Variants in FAAH observed in about 807,000 individuals in gnomAD.
FAAH encodes fatty-acid amide hydrolase 1.
Under a neutral mutation model 69.7 loss-of-function variants are expected in FAAH, and 63 were observed. That is an observed-to-expected ratio of 0.90 (90% CI 0.74 to 1.12). FAAH has a LOEUF of 1.12. Among genes scored for constraint, FAAH ranks in the 50% most tolerant of loss-of-function variants. The pLI is 0.00. For missense variants in FAAH, 680 were observed against 755.0 expected, an observed-to-expected ratio of 0.90 and a Z score of 1.16; for synonymous variants, 305 against 324.2, an observed-to-expected ratio of 0.94 and a Z score of 0.64.
At chr1:46,403,628 C>A (rs1664742551) in intron 2 of FAAH, among the ~76,000 whole-genome samples, 3 of 152,242 alleles carry the variant, frequency 2.0e-5, no homozygotes, top group Non-Finnish European at 4.4e-5. Flanking sequence ...GGTGGGGCTC[C>A]TTTACCTGGA....
chr1:46,395,954 T>C (rs1664590016), intron 1 of FAAH, among the ~76,000 whole-genome samples: 1 of 151,734 alleles, frequency 6.6e-6, no homozygotes, highest in Non-Finnish European at 1.5e-5. Context: ...AGACAAAGTA[T>C]AGAGAAAGAA....
At position 46,410,235 on chromosome 1, in the gene FAAH, G is replaced by C; in HGVS notation, c.1176-163G>C. The stretch of plus-strand genomic sequence containing the variant: ...GGGTTGCAGCCCAGGCATCCCAAAG[G>C]ATCAGCAGAAACAAACGGCATGTTT... On this transcript the variant is annotated intron_variant, in intron 9 of 14. Transcript: ENST00000243167. This position sits in a 1 kb window ranked among gnomAD's most constrained non-coding sequence, Gnocchi z 4.9. 1 of 720,220 alleles carries C rather than the reference G, an allele frequency of 1.4e-6. No individual in the cohort carries two copies. The highest frequency in any genetic ancestry group is 1.9e-5 in the Admixed American group (1 of 52,824). 44.6% of individuals were successfully genotyped at this position (720,220 alleles called of 1,614,324 possible).
At chr1:46,409,302 A>C in intron 9 of FAAH, 104 bp downstream of exon 9, 2 of 898,496 alleles carry the variant, frequency 2.2e-6, no homozygotes, top group Non-Finnish European at 3.7e-6. Context: ...AGCTGAATCC[A>C]ACAAAGGCCT....
chr1:46,405,692 G>A lies in FAAH; in HGVS notation c.683G>A (p.Gly228Glu), dbSNP rs770455647. Residue 228 changes from glycine (G) to glutamate (E), a missense_variant, in exon 5 of 15, where the codon GGA becomes GAA. Physicochemically the swap from Gly to Glu is moderately conservative, Grantham distance 98. Transcript: ENST00000243167. This position sits in a 1 kb window ranked among gnomAD's most constrained non-coding sequence, Gnocchi z 4.1. Reference protein sequence around the residue: ...SGGEGALIGSGGSPLGLGTDI... With the variant: ...SGGEGALIGSEGSPLGLGTDI... ...GGTGAAGGGGCCCTCATCGGGTCTG[G>A]AGGCTCCCCCCTGGGCTTAGGCACT... The A allele has an allele frequency of 1.2e-6, 2 of 1,613,578 alleles. No homozygotes were observed. Among genetic ancestry groups the A allele is most frequent in the Non-Finnish European group, 1.7e-6 (2 of 1,180,044 alleles).
chr1:46,398,308 C>T (rs1207962267), intron 1 of FAAH, among the ~76,000 whole-genome samples: 1 of 152,142 alleles, frequency 6.6e-6, no homozygotes, highest in Non-Finnish European at 1.5e-5. Context: ...CTCCCTTCTG[C>T]CTACAACTCC....
At position 46,405,693 on chromosome 1, in the gene FAAH, A is replaced by G; in HGVS notation, c.684A>G (p.Gly228=). 6.2e-7 allele frequency: 1 copy of G among 1,613,510 alleles called. No individual in the cohort carries two copies. Among genetic ancestry groups the G allele is most frequent in the Non-Finnish European group, 8.5e-7 (1 of 1,180,020 alleles). The part of the protein sequence containing the change: ...SGGEGALIGS[G]GSPLGLGTDI... Reference sequence around the variant, plus strand: ...GTGAAGGGGCCCTCATCGGGTCTGGAGGCTCCCCCCTGGGCTTAGGCACTG... The same window carrying G: ...GTGAAGGGGCCCTCATCGGGTCTGGGGGCTCCCCCCTGGGCTTAGGCACTG... The change falls in exon 5 of 15, where the codon GGA becomes GGG. Residue 228 remains glycine, a synonymous_variant. Coordinates refer to ENST00000243167, the MANE Select transcript of FAAH (RefSeq NM_001441.3). The surrounding 1 kb of genome is among the most constrained non-coding windows in gnomAD (Gnocchi z 4.1).
intron 12 of FAAH, 85 bp from the exon 13 acceptor site, chr1:46,412,058 C>G: frequency 8.3e-7 from 1 of 1,211,064 alleles, no homozygotes. Context: ...GGGGCCAGAG[C>G]CACCCCAGCC....
chr1:46,398,410 G>A (rs1664638012), intron 1 of FAAH, among the ~76,000 whole-genome samples: 1 of 152,186 alleles, frequency 6.6e-6, no homozygotes, highest in Non-Finnish European at 1.5e-5. Flanking sequence ...GGGGCTCTTA[G>A]CCCAGCCCTG....
chr1:46,397,460 C>A, intron 1 of FAAH, among the ~76,000 whole-genome samples: 1 of 152,084 alleles, frequency 6.6e-6, no homozygotes. Context: ...TTCAGGTTTC[C>A]AGTGATTGTG....
Position 46,410,316 on chromosome 1 carries a change from A to T in FAAH, c.1176-82A>T. 9.6e-7 allele frequency: 1 copy of T among 1,046,774 alleles called. No homozygotes were observed. Among genetic ancestry groups the T allele is most frequent in the Non-Finnish European group, 1.5e-6 (1 of 662,952 alleles). The allele number at this position is 1,046,774 out of a possible 1,614,324, so 64.8% of individuals were successfully genotyped here. On this transcript the variant is annotated intron_variant, in intron 9 of 14. Coordinates refer to ENST00000243167, the MANE Select transcript of FAAH (RefSeq NM_001441.3). This position sits in a 1 kb window ranked among gnomAD's most constrained non-coding sequence, Gnocchi z 4.9. ...AGGTGGACAGGATCCCTGCATAGAG[A>T]ATGGGATTGCTGTGGGCCGGGCGAG...
rs956834978 is a variant in FAAH at position 46,411,827 on chromosome 1, C to T, written c.1356+176C>T. ...GCCCAGCTCTCTGACCCTTACTTGC[C>T]TAGATGCCCATCCTTTGAGGCTGGG... is the stretch of plus-strand genomic sequence containing the variant. On this transcript the variant is annotated intron_variant, in intron 12 of 14. Transcript: ENST00000243167. This position sits in a 1 kb window ranked among gnomAD's most constrained non-coding sequence, Gnocchi z 4.8. Among the ~76,000 whole-genome samples, 1 of 152,232 alleles carries T rather than the reference C, an allele frequency of 6.6e-6. No individual in the cohort carries two copies. The highest frequency in any genetic ancestry group is 2.4e-5 in the African/African-American group (1 of 41,478).
chr1:46,408,452 C>T lies in FAAH; in HGVS notation c.952-7C>T, dbSNP rs1254180112. On this transcript the variant is annotated splice_polypyrimidine_tract_variant and splice_region_variant and intron_variant, in intron 7 of 14. Coordinates refer to ENST00000243167, the MANE Select transcript of FAAH (RefSeq NM_001441.3). ...ACCTGCCCCTGTCCCCTGTGTTTTC[C>T]CTCCAGGTCTACACCAGCTCTCAGC... 4.3e-6 allele frequency: 7 copies of T among 1,614,138 alleles called. No individual in the cohort carries two copies. The highest frequency in any genetic ancestry group is 1.7e-5 in the Admixed American group (1 of 60,030).
At chr1:46,406,944 C>T (rs1664810705) in intron 7 of FAAH, among the ~76,000 whole-genome samples, 1 of 152,086 alleles carries the variant, frequency 6.6e-6, no homozygotes, top group South Asian at 2.1e-4. Flanking sequence ...GCCTCAGCTG[C>T]TGGCACCAGG....
At position 46,394,419 on chromosome 1, in the gene FAAH, C is replaced by T. The variant is rs773316338; in HGVS notation, c.71C>T (p.Ala24Val). 3.4e-6 allele frequency: 5 copies of T among 1,476,114 alleles called. No individual in the cohort carries two copies. Among genetic ancestry groups the T allele is most frequent in the Non-Finnish European group, 4.5e-6 (5 of 1,116,982 alleles). 91.4% of individuals were successfully genotyped at this position (1,476,114 alleles called of 1,614,324 possible). Residue 24 changes from alanine (A) to valine (V), a missense_variant, in exon 1 of 15, where the codon GCG becomes GTG. Coordinates refer to ENST00000243167, the MANE Select transcript of FAAH (RefSeq NM_001441.3). ...SGVALACCFV[A>V]AAVALRWSGR... ...GTCGCCCTGGCCTGCTGCTTCGTGG[C>T]GGCGGCCGTGGCCCTGCGCTGGTCC...
At chr1:46,398,065 C>G (rs1471576221) in intron 1 of FAAH, among the ~76,000 whole-genome samples, 1 of 151,466 alleles carries the variant, frequency 6.6e-6, no homozygotes, top group Non-Finnish European at 1.5e-5. Context: ...TCCCTAGTAG[C>G]TGGGGTTACA....
At position 46,410,985 on chromosome 1, in the gene FAAH, C is replaced by A; in HGVS notation, c.1316+131C>A. Reference sequence around the variant, plus strand: ...GCTGGAAGTGGCCCAGGCAGGGGGGCAACCTTTGTGGCCTTCAGATGGGAC... The same window carrying A: ...GCTGGAAGTGGCCCAGGCAGGGGGGAAACCTTTGTGGCCTTCAGATGGGAC... On this transcript the variant is annotated intron_variant, in intron 11 of 14. Transcript: ENST00000243167. This position sits in a 1 kb window ranked among gnomAD's most constrained non-coding sequence, Gnocchi z 4.9. The A allele has an allele frequency of 8.9e-7, 1 of 1,119,572 alleles. No individual in the cohort carries two copies. The highest frequency in any genetic ancestry group is 1.3e-6 in the Non-Finnish European group (1 of 744,354). 69.4% of individuals were successfully genotyped at this position (1,119,572 alleles called of 1,614,324 possible).
In FAAH at chr1:46,411,004, A is replaced by T. The variant is rs1008336376; in HGVS notation, c.1316+150A>T. The T allele has an allele frequency of 2.2e-6, 2 of 895,280 alleles. No homozygotes were observed. The highest frequency in any genetic ancestry group is 3.7e-6 in the Non-Finnish European group (2 of 547,642). 55.5% of individuals were successfully genotyped at this position (895,280 alleles called of 1,614,324 possible). A position where few individuals can be genotyped will look rare whatever the true frequency, so the allele number is the denominator to read the frequency against. ...GGGGGGCAACCTTTGTGGCCTTCAG[A>T]TGGGACTTTGAAGTTGTCTTGGCAA... On this transcript the variant is annotated intron_variant, in intron 11 of 14. Coordinates refer to ENST00000243167, the MANE Select transcript of FAAH (RefSeq NM_001441.3). This position sits in a 1 kb window ranked among gnomAD's most constrained non-coding sequence, Gnocchi z 4.8.
At chr1:46,396,209 A>G (rs541997280) in intron 1 of FAAH, among the ~76,000 whole-genome samples, 11 of 152,276 alleles carry the variant, frequency 7.2e-5, no homozygotes, top group African/African-American at 2.6e-4. Flanking sequence ...GTTTGACTTT[A>G]TACAAGCATC....
At chr1:46,395,189 C>T (rs141529651) in intron 1 of FAAH, among the ~76,000 whole-genome samples, 8 of 152,350 alleles carry the variant, frequency 5.3e-5, no homozygotes, top group African/African-American at 1.9e-4. Flanking sequence ...GATACACCTG[C>T]CTCGGCCTCC....
Sources: allele counts gnomAD v4.1 joint callset (sites outside exome capture counted in the v4.1 genomes callset), GRCh38; gene constraint gnomAD v4.1.1; non-coding constraint Gnocchi (gnomAD v3.1); transcripts MANE v1.5; gene names NCBI Gene and HGNC (gene_info 2026-07-23, HGNC 2026-07-21).